The following RNF4 variants were observed in gnomAD, a reference collection of about 807,000 sequenced individuals.
The protein encoded by RNF4 is E3 ubiquitin-protein ligase RNF4.
Under a neutral mutation model 24.3 loss-of-function variants are expected in RNF4, and 7 were observed. The observed-to-expected ratio is 0.29, with a 90% confidence interval of 0.16 to 0.54. The LOEUF is 0.54. Among genes scored for constraint, RNF4 ranks in the 20% least tolerant of loss-of-function variants. The pLI is 0.95. For synonymous variants in RNF4, 83 were observed against 84.3 expected, an observed-to-expected ratio of 0.98 and a Z score of 0.09; for missense variants, 209 against 248.5, an observed-to-expected ratio of 0.84 and a Z score of 1.07.
chr4:2,483,565 A>G (rs1236821180), intron 1 of RNF4, among the ~76,000 whole-genome samples: 1 of 152,198 alleles, frequency 6.6e-6, no homozygotes, highest in Non-Finnish European at 1.5e-5. Flanking sequence ...GCACTTTGGG[A>G]AGTCAAGGTG....
chr4:2,470,579 C>A (rs1734871740), intron 1 of RNF4, among the ~76,000 whole-genome samples: 1 of 152,176 alleles, frequency 6.6e-6, no homozygotes, highest in South Asian at 2.1e-4. Context: ...TTTTTCTAAT[C>A]TTCATGAAAT....
At chr4:2,479,692 A>G (rs960643867) in intron 1 of RNF4, among the ~76,000 whole-genome samples, 1 of 152,154 alleles carries the variant, frequency 6.6e-6, no homozygotes, top group Non-Finnish European at 1.5e-5. Context: ...TAAATTGGCC[A>G]GTCTCAAGTA....
At chr4:2,498,788 G>A (rs1335277366) in intron 3 of RNF4, among the ~76,000 whole-genome samples, 1 of 152,172 alleles carries the variant, frequency 6.6e-6, no homozygotes, top group African/African-American at 2.4e-5. Flanking sequence ...AAGTGTGGGA[G>A]GCTGAGGTAG....
intron 1 of RNF4, among the ~76,000 whole-genome samples, chr4:2,473,218 C>T (rs1319969515): frequency 1.3e-5 from 2 of 151,360 alleles, no homozygotes; most frequent in African/African-American, 2.4e-5. Context: ...CCCGTCTCTA[C>T]CAACAAAATA....
chr4:2,500,384 G>A (rs529037813), intron 3 of RNF4, among the ~76,000 whole-genome samples: 1 of 152,208 alleles, frequency 6.6e-6, no homozygotes, highest in Non-Finnish European at 1.5e-5. Context: ...GTGGGATGCC[G>A]TGGAATAGAG....
intron 4 of RNF4, among the ~76,000 whole-genome samples, chr4:2,509,098 T>C (rs1386180576): frequency 6.7e-6 from 1 of 148,768 alleles, no homozygotes; most frequent in African/African-American, 2.5e-5. Context: ...TTTGTAGTTT[T>C]AGTAGAGACA....
intron 1 of RNF4, among the ~76,000 whole-genome samples, chr4:2,470,684 T>C (rs938130331): frequency 2.0e-5 from 3 of 152,224 alleles, no homozygotes; most frequent in Non-Finnish European, 4.4e-5. Context: ...CTCCTCAAGA[T>C]CAAAGTAGCG....
rs375321626 is a variant in RNF4 at position 2,484,285 on chromosome 4, G to A, written c.-157-6052G>A. Among the ~76,000 whole-genome samples, 18 of 151,876 alleles carry A rather than the reference G, an allele frequency of 1.2e-4. No individual in the cohort carries two copies. The East Asian group carries it at 2.3e-3, about 20-fold the overall frequency. On this transcript the variant is annotated intron_variant, in intron 1 of 7. Coordinates refer to ENST00000314289, the MANE Select transcript of RNF4 (RefSeq NM_002938.5). The stretch of plus-strand genomic sequence containing the variant: ...GCTGCAGAGTTACGATATCATTCTG[G>A]TTCTGCTGTGCTCCCCACTGCCCCT...
intron 2 of RNF4, among the ~76,000 whole-genome samples, chr4:2,496,280 T>G (rs991610965): frequency 6.6e-6 from 1 of 152,156 alleles, no homozygotes; most frequent in East Asian, 1.9e-4. Flanking sequence ...AAACTCCAAG[T>G]TCTTTATGCT....
intron 2 of RNF4, among the ~76,000 whole-genome samples, chr4:2,491,554 T>A (rs1196840519): frequency 6.6e-6 from 1 of 152,168 alleles, no homozygotes; most frequent in Non-Finnish European, 1.5e-5. Context: ...GCGACTCTCC[T>A]GCCTCAGCCT....
chr4:2,477,477 T>C (rs1417000352), intron 1 of RNF4, among the ~76,000 whole-genome samples: 4 of 152,052 alleles, frequency 2.6e-5, no homozygotes, highest in African/African-American at 9.7e-5. Flanking sequence ...TCCAGCTACT[T>C]GGGAGGCTGA....
Position 2,512,969 on chromosome 4 carries a change from GA to G in RNF4, c.375-113del. ...TCTCTCGGATGCCCGCGCTAAGGCAGAGTCAGGAGGCCAGGGACGGGACTCT... is the reference window on the plus strand; with the variant it reads ...TCTCTCGGATGCCCGCGCTAAGGCAGGTCAGGAGGCCAGGGACGGGACTCT... On this transcript the variant is annotated intron_variant, in intron 6 of 7. Transcript: ENST00000314289. The surrounding 1 kb of genome is among the most constrained non-coding windows in gnomAD (Gnocchi z 4.1). The G allele has an allele frequency of 9.7e-7, 1 of 1,029,650 alleles. No homozygotes were observed. The highest frequency in any genetic ancestry group is 1.3e-5 in the South Asian group (1 of 76,052). The allele number at this position is 1,029,650 out of a possible 1,614,324, so 63.8% of individuals were successfully genotyped here. A position where few individuals can be genotyped will look rare whatever the true frequency, so the allele number is the denominator to read the frequency against.
Position 2,512,736 on chromosome 4 carries a change from G to A in RNF4, c.374+139G>A, listed in dbSNP as rs1386439038. Reference sequence around the variant, plus strand: ...TCTACCCAGCATCTGGATACAGTTGGAACTGGGTCCAGAACTGAGTCCAGC... The same window carrying A: ...TCTACCCAGCATCTGGATACAGTTGAAACTGGGTCCAGAACTGAGTCCAGC... On this transcript the variant is annotated intron_variant, in intron 6 of 7. Transcript: ENST00000314289. This position sits in a 1 kb window ranked among gnomAD's most constrained non-coding sequence, Gnocchi z 4.1. 1.1e-5 allele frequency: 11 copies of A among 998,414 alleles called. No individual in the cohort carries two copies. Among genetic ancestry groups the A allele is most frequent in the Non-Finnish European group, 4.3e-6 (3 of 692,320 alleles). The allele number at this position is 998,414 out of a possible 1,614,324, so 61.8% of individuals were successfully genotyped here.
intron 1 of RNF4, among the ~76,000 whole-genome samples, chr4:2,473,905 C>T (rs972889033): frequency 6.6e-6 from 1 of 152,090 alleles, no homozygotes; most frequent in African/African-American, 2.4e-5. Context: ...AACCTTGTCT[C>T]TACTAAAAAT....
At chr4:2,487,371 C>T (rs1250922043) in intron 1 of RNF4, among the ~76,000 whole-genome samples, 1 of 152,116 alleles carries the variant, frequency 6.6e-6, no homozygotes, top group African/African-American at 2.4e-5. Context: ...TTGCAACCTC[C>T]GCCTCCCGGG....
chr4:2,501,577 T>C (rs116727848), intron 4 of RNF4, among the ~76,000 whole-genome samples: 71 of 152,328 alleles, frequency 4.7e-4, no homozygotes, highest in African/African-American at 1.5e-3. Context: ...TCATGGTGCA[T>C]GCAGGTCTGG....
At chr4:2,505,565 T>A (rs1194930893) in intron 4 of RNF4, 1 of 150,382 alleles carries the variant, frequency 6.6e-6, no homozygotes, top group Non-Finnish European at 1.5e-5. Flanking sequence ...GACCTCGTGA[T>A]CCGCCCGCCT....
intron 4 of RNF4, among the ~76,000 whole-genome samples, chr4:2,510,504 G>A (rs1440379054): frequency 1.3e-5 from 2 of 152,228 alleles, no homozygotes; most frequent in Non-Finnish European, 2.9e-5. Context: ...TCTTCAGGAT[G>A]CAGCTGTGCC....
At chr4:2,470,358 C>G (rs1440168394) in intron 1 of RNF4, among the ~76,000 whole-genome samples, 1 of 152,142 alleles carries the variant, frequency 6.6e-6, no homozygotes, top group Non-Finnish European at 1.5e-5. Flanking sequence ...TCTTTTGTTA[C>G]TTTCTTGGTG....
Sources: allele counts gnomAD v4.1 joint callset (sites outside exome capture counted in the v4.1 genomes callset), GRCh38; gene constraint gnomAD v4.1.1; non-coding constraint Gnocchi (gnomAD v3.1); transcripts MANE v1.5; gene names NCBI Gene and HGNC (gene_info 2026-07-23, HGNC 2026-07-21).